FKBP4: variants seen among roughly 807,000 people sequenced by gnomAD.
The protein encoded by FKBP4 is FKBP prolyl isomerase 4.
Under a neutral mutation model 54.1 loss-of-function variants are expected in FKBP4, and 28 were observed. That is an observed-to-expected ratio of 0.52 (90% CI 0.38 to 0.71). The LOEUF (loss-of-function observed/expected upper bound fraction) is 0.71. Among genes scored for constraint, FKBP4 ranks in the 30% least tolerant of loss-of-function variants. FKBP4 has a pLI of 0.00. For synonymous variants in FKBP4, 223 were observed against 216.1 expected (o/e 1.03, Z -0.28); for missense variants, 493 against 574.4 (o/e 0.86, Z 1.45).
chr12:2,800,728 C>T lies in FKBP4; in HGVS notation c.1032+151C>T. The T allele has an allele frequency of 3.9e-6, 3 of 763,154 alleles. No homozygotes were observed. The South Asian group carries it at 6.0e-5, about 15-fold the overall frequency. 47.3% of individuals were successfully genotyped at this position (763,154 alleles called of 1,614,324 possible). On this transcript the variant is annotated intron_variant, in intron 8 of 9. Transcript: ENST00000001008. ...AGGTTACAGACCAAAGGCACGGATG[C>T]AAGTATTCATAGCAAGAACCTTAGC...
chr12:2,804,951 G>T lies in FKBP4; in HGVS notation c.*1693G>T. The T allele has an allele frequency of 4.1e-6, 1 of 246,856 alleles. No individual in the cohort carries two copies. Among genetic ancestry groups the T allele is most frequent in the Non-Finnish European group, 8.2e-6 (1 of 122,444 alleles). The allele number at this position is 246,856 out of a possible 1,614,324, so 15.3% of individuals were successfully genotyped here. A position where few individuals can be genotyped will look rare whatever the true frequency, so the allele number is the denominator to read the frequency against. On this transcript the variant is annotated 3_prime_UTR_variant, in exon 10 of 10. Coordinates refer to ENST00000001008, the MANE Select transcript of FKBP4 (RefSeq NM_002014.4). ...TCCCTGTGTAACTGCTTTCTTACTG[G>T]GCTTACCTCACATCACAGCCCTGTG...
chr12:2,796,019 G>T, intron 1 of FKBP4: 1 of 1,154,146 alleles, frequency 8.7e-7, no homozygotes, highest in South Asian at 1.7e-5. Flanking sequence ...CCGAGTGACC[G>T]CTCGACTACA....
In FKBP4 at chr12:2,801,161, G is replaced by A. The variant is rs201803546; in HGVS notation, c.1077G>A (p.Arg359=). ...ACAACGAGAAGGGCCTCTTCCGCCG[G>A]GGAGAGGCCCACCTGGCCGTGAATG... ...DSNNEKGLFR[R]GEAHLAVNDF... Residue 359 remains arginine (R), a synonymous_variant, in exon 9 of 10, where the codon CGG becomes CGA. Transcript: ENST00000001008. 29 of 1,613,796 alleles carry A rather than the reference G, an allele frequency of 1.8e-5. No homozygotes were observed. Among genetic ancestry groups the A allele is most frequent in the Non-Finnish European group, 2.2e-5 (26 of 1,179,950 alleles).
chr12:2,801,732 T>C, intron 9 of FKBP4: 1 of 364,768 alleles, frequency 2.7e-6, no homozygotes, highest in Non-Finnish European at 5.5e-6. Flanking sequence ...CCAGCCTGAG[T>C]GACAAAATGA....
intron 1 of FKBP4, chr12:2,796,238 C>T (rs2097901787): frequency 7.8e-7 from 1 of 1,289,234 alleles, no homozygotes; most frequent in Non-Finnish European, 1.0e-6. Flanking sequence ...TTTACCTGGT[C>T]CAGAAGTGCA....
chr12:2,801,043 TG>T, intron 8 of FKBP4, 73 bp from the exon 9 acceptor site: 1 of 1,581,370 alleles, frequency 6.3e-7, no homozygotes, highest in Non-Finnish European at 8.6e-7. Flanking sequence ...GGGGTACCTT[TG>T]GAACCCAGTC....
At chr12:2,796,393 A>ATCAT (rs1167997605) in intron 1 of FKBP4, 14 of 1,288,662 alleles carry the variant, frequency 1.1e-5, no homozygotes, top group Non-Finnish European at 1.4e-5. Flanking sequence ...CCTTTGATCC[A>ATCAT]TCATTCCTTC....
Position 2,795,230 on chromosome 12 carries a change from GA to G in FKBP4, c.93del (p.Gly32AlafsTer3). ...AGTGGACATCAGCCCCAAACAGGAC[GA>G]AGGCGTGCTGAAGGTGAGGGGCGGC... is the stretch of plus-strand genomic sequence containing the variant. ...EGVDISPKQD[E>X]GVLKVIKREG... On this transcript the variant is annotated frameshift_variant, in exon 1 of 10. Coordinates refer to ENST00000001008, the MANE Select transcript of FKBP4 (RefSeq NM_002014.4). LOFTEE classifies it high-confidence loss of function. This position sits in a 1 kb window ranked among gnomAD's most constrained non-coding sequence, Gnocchi z 4.3. The G allele has an allele frequency of 7.5e-7, 1 of 1,334,240 alleles. No individual in the cohort carries two copies. Among genetic ancestry groups the G allele is most frequent in the Non-Finnish European group, 9.7e-7 (1 of 1,035,098 alleles). 82.7% of individuals were successfully genotyped at this position (1,334,240 alleles called of 1,614,324 possible).
chr12:2,795,151 G>A lies in FKBP4; in HGVS notation c.12G>A (p.Glu4=). The A allele has an allele frequency of 7.6e-7, 1 of 1,308,976 alleles. No homozygotes were observed. The highest frequency in any genetic ancestry group is 9.8e-7 in the Non-Finnish European group (1 of 1,019,912). 81.1% of individuals were successfully genotyped at this position (1,308,976 alleles called of 1,614,324 possible). ...CGCGCCGCGCGGAGATGACAGCCGAGGAGATGAAGGCGACCGAGAGCGGGG... is the reference window on the plus strand; with the variant it reads ...CGCGCCGCGCGGAGATGACAGCCGAAGAGATGAAGGCGACCGAGAGCGGGG... The part of the protein sequence containing the change: MTA[E]EMKATESGAQ... Residue 4 remains glutamate (E), a synonymous_variant, in exon 1 of 10, where the codon GAG becomes GAA. Transcript: ENST00000001008. This position sits in a 1 kb window ranked among gnomAD's most constrained non-coding sequence, Gnocchi z 4.3.
intron 9 of FKBP4, chr12:2,801,616 C>T: frequency 1.8e-6 from 1 of 561,912 alleles, no homozygotes; most frequent in Non-Finnish European, 3.3e-6. Flanking sequence ...GGGCCAGGCG[C>T]CGTGGCTCAC....
rs574980949 is a variant in FKBP4, at chr12:2,798,159, G to A, written c.393+288G>A. Among the ~76,000 whole-genome samples the A allele has an allele frequency of 9.8e-5, 15 of 152,300 alleles. No homozygotes were observed. The East Asian group carries it at 1.2e-3, about 12-fold the overall frequency. On this transcript the variant is annotated intron_variant, in intron 3 of 9. Transcript: ENST00000001008. This position sits in a 1 kb window ranked among gnomAD's most constrained non-coding sequence, Gnocchi z 4.3. Reference sequence around the variant, plus strand: ...ACCCAGAAGAATACTGAAAGGAGTCGGGATGTCAGAAACTATGTCCCGTTA... The same window carrying A: ...ACCCAGAAGAATACTGAAAGGAGTCAGGATGTCAGAAACTATGTCCCGTTA...
Position 2,799,193 on chromosome 12 carries a change from C to A in FKBP4, c.620C>A (p.Ala207Asp). The A allele has an allele frequency of 6.3e-7, 1 of 1,582,598 alleles. No individual in the cohort carries two copies. The highest frequency in any genetic ancestry group is 8.6e-7 in the Non-Finnish European group (1 of 1,166,636). ...NLDLPYGLER[A>D]IQRMEKGEHS... ...GATCTGCCTTATGGTCTGGAGAGGG[C>A]CATTCAGCGCATGGAGAAAGGAGAA... The change falls in exon 5 of 10, where the codon GCC (alanine) becomes GAC (aspartate). Residue 207 changes from alanine (A) to aspartate (D), a missense_variant. Physicochemically the swap from Ala to Asp is moderately radical, Grantham distance 126. Transcript: ENST00000001008.
chr12:2,803,456 C>T lies in FKBP4; in HGVS notation c.*198C>T. On this transcript the variant is annotated 3_prime_UTR_variant, in exon 10 of 10. Transcript: ENST00000001008. ...GGGGAATCATTTTAGCTGGTGTCAG[C>T]CCCTCTTCCCTTCCTCCATTGCACA... 1 of 569,802 alleles carries T rather than the reference C, an allele frequency of 1.8e-6. No homozygotes were observed. Among genetic ancestry groups the T allele is most frequent in the Non-Finnish European group, 3.2e-6 (1 of 317,022 alleles). 35.3% of individuals were successfully genotyped at this position (569,802 alleles called of 1,614,324 possible).
rs538607112 is a variant in FKBP4 at position 2,797,406 on chromosome 12, G to A, written c.250+124G>A. ...TTTATCACAGTCTGTTAACTCTTTC[G>A]GTCACTCTTTTTTTTTTTTTTCTAC... On this transcript the variant is annotated intron_variant, in intron 2 of 9. Coordinates refer to ENST00000001008, the MANE Select transcript of FKBP4 (RefSeq NM_002014.4). 29 of 1,180,024 alleles carry A rather than the reference G, an allele frequency of 2.5e-5. No homozygotes were observed. The East Asian group carries it at 3.3e-4, about 14-fold the overall frequency. 73.1% of individuals were successfully genotyped at this position (1,180,024 alleles called of 1,614,324 possible).
In FKBP4 at chr12:2,805,282, C is replaced by G. The variant is rs904014194; in HGVS notation, c.*2024C>G. ...GGGCTTCTGTCCTCATCTGCAAAAT[C>G]GAAAGCATTCCTGAGGTTTCTTCCA... On this transcript the variant is annotated 3_prime_UTR_variant, in exon 10 of 10. Transcript: ENST00000001008. 1.4e-5 allele frequency: 6 copies of G among 424,628 alleles called. No individual in the cohort carries two copies. Among genetic ancestry groups the G allele is most frequent in the Non-Finnish European group, 2.3e-5 (5 of 215,174 alleles). 26.3% of individuals were successfully genotyped at this position (424,628 alleles called of 1,614,324 possible).
In FKBP4 at chr12:2,795,363, G is replaced by A; in HGVS notation, c.105+119G>A. 1.0e-5 allele frequency: 3 copies of A among 296,980 alleles called. No homozygotes were observed. Among genetic ancestry groups the A allele is most frequent in the Non-Finnish European group, 1.6e-5 (3 of 192,528 alleles). The allele number at this position is 296,980 out of a possible 1,614,324, so 18.4% of individuals were successfully genotyped here. ...GAGGCGGCCGCCTTTGCAGCCTCGC[G>A]GCCGTCCCGCCGGGGGCCGGTGGCA... On this transcript the variant is annotated intron_variant, in intron 1 of 9. Transcript: ENST00000001008. The surrounding 1 kb of genome is among the most constrained non-coding windows in gnomAD (Gnocchi z 4.3).
chr12:2,797,723 C>T lies in FKBP4; in HGVS notation c.251-6C>T. On this transcript the variant is annotated splice_region_variant and splice_polypyrimidine_tract_variant and intron_variant, in intron 2 of 9. Coordinates refer to ENST00000001008, the MANE Select transcript of FKBP4 (RefSeq NM_002014.4). Reference sequence around the variant, plus strand: ...AAGGCGGTCCTGTTTGCTTCTGTACCTGCAGGGGAGGTCATCAAGGCTTGG... The same window carrying T: ...AAGGCGGTCCTGTTTGCTTCTGTACTTGCAGGGGAGGTCATCAAGGCTTGG... The T allele has an allele frequency of 6.2e-7, 1 of 1,610,732 alleles. No individual in the cohort carries two copies. The highest frequency in any genetic ancestry group is 1.1e-5 in the South Asian group (1 of 90,694).
In FKBP4 at chr12:2,795,936, C is replaced by T. The variant is rs368305335; in HGVS notation, c.105+692C>T. 3.1e-4 allele frequency: 319 copies of T among 1,024,860 alleles called. 1 individual carries two copies. The African/African-American group carries it at 3.3e-3, about 11-fold the overall frequency. The allele number at this position is 1,024,860 out of a possible 1,614,324, so 63.5% of individuals were successfully genotyped here. The stretch of plus-strand genomic sequence containing the variant: ...TGCCGGGAGCTGTAGTCCCCTCCCC[C>T]CTCCGCCGCCTCCCGGAGCCAGGGC... On this transcript the variant is annotated intron_variant, in intron 1 of 9. Coordinates refer to ENST00000001008, the MANE Select transcript of FKBP4 (RefSeq NM_002014.4). The surrounding 1 kb of genome is among the most constrained non-coding windows in gnomAD (Gnocchi z 4.3).
intron 9 of FKBP4, among the ~76,000 whole-genome samples, chr12:2,802,449 T>C (rs2097905377): frequency 6.6e-6 from 1 of 152,178 alleles, no homozygotes; most frequent in South Asian, 2.1e-4. Context: ...TAAACAGTGT[T>C]CTAAACCAGC....
Sources: allele counts gnomAD v4.1 joint callset (sites outside exome capture counted in the v4.1 genomes callset), GRCh38; gene constraint gnomAD v4.1.1; non-coding constraint Gnocchi (gnomAD v3.1); transcripts MANE v1.5; gene names NCBI Gene and HGNC (gene_info 2026-07-23, HGNC 2026-07-21).